The following CNTNAP2 variants were observed in gnomAD, a reference collection of about 807,000 sequenced individuals.
CNTNAP2 encodes the protein contactin-associated protein-like 2.
A neutral mutation model predicts 155.2 loss-of-function variants in CNTNAP2; 98 were observed. That is an observed-to-expected ratio of 0.63 (90% confidence interval 0.54 to 0.75). The LOEUF is 0.75. CNTNAP2 is among the 30% of genes least tolerant of loss of function. The pLI is 0.00. For synonymous variants in CNTNAP2, 651 were observed against 631.2 expected (o/e 1.03, Z -0.47); for missense variants, 1,727 against 1,688.1 (o/e 1.02, Z -0.40).
chr7:148,190,411 G>A (rs1795186597), intron 18 of CNTNAP2: 1 of 152,172 alleles, frequency 6.6e-6, no homozygotes, highest in Non-Finnish European at 1.5e-5. Flanking sequence ...AATCTGTTAG[G>A]TAGCAATAAG....
chr7:148,304,427 T>A (rs956283979), intron 21 of CNTNAP2, among the ~76,000 whole-genome samples: 3 of 152,160 alleles, frequency 2.0e-5, no homozygotes, highest in African/African-American at 7.2e-5. Flanking sequence ...TTTTCAAGAT[T>A]TTTTTTTCCT....
rs572134616 is a variant in CNTNAP2 at position 148,405,988 on chromosome 7, T to C, written c.3716-3403T>C. On this transcript the variant is annotated intron_variant, in intron 22 of 23. Transcript: ENST00000361727. ...TGGCTCACGCCTGTAATCCCAGCAC[T>C]TTAAGAGGCCAAGACCGGCAGATCA... Among the ~76,000 whole-genome samples the C allele has an allele frequency of 1.2e-3, 187 of 152,174 alleles. 1 individual carries two copies. Among genetic ancestry groups the C allele is most frequent in the Non-Finnish European group, 1.7e-3 (113 of 68,008 alleles).
At chr7:147,437,724 G>C (rs1396000516) in intron 10 of CNTNAP2, among the ~76,000 whole-genome samples, 1 of 152,020 alleles carries the variant, frequency 6.6e-6, no homozygotes, top group Non-Finnish European at 1.5e-5. Context: ...TTCTATTTCT[G>C]TAAAGAATGC....
intron 1 of CNTNAP2, among the ~76,000 whole-genome samples, chr7:146,296,964 G>A (rs1418837311): frequency 6.6e-6 from 1 of 151,770 alleles, no homozygotes; most frequent in African/African-American, 2.4e-5. Context: ...TTATCTGTGT[G>A]TGTGTGTGTG....
At chr7:146,363,370 ACT>A (rs1795111938) in intron 1 of CNTNAP2, among the ~76,000 whole-genome samples, 1 of 152,114 alleles carries the variant, frequency 6.6e-6, no homozygotes, top group South Asian at 2.1e-4. Flanking sequence ...CAATAATTTA[ACT>A]GTTAAAGGTT....
intron 15 of CNTNAP2, among the ~76,000 whole-genome samples, chr7:148,006,609 G>A (rs1331183554): frequency 1.4e-5 from 2 of 146,928 alleles, no homozygotes; most frequent in East Asian, 2.0e-4. Context: ...ATAAGCCACC[G>A]TGCCCGGCCA....
Position 148,105,192 on chromosome 7 carries a change from G to A in CNTNAP2, c.2384-12926G>A, listed in dbSNP as rs534737357. ...GGACAGGGAAATAGTACCATGCCCAGTCCGGGGATACGTCAGAAAGACTGT... is the reference window on the plus strand; with the variant it reads ...GGACAGGGAAATAGTACCATGCCCAATCCGGGGATACGTCAGAAAGACTGT... On this transcript the variant is annotated intron_variant, in intron 15 of 23. Transcript: ENST00000361727. 7.2e-5 allele frequency among the ~76,000 whole-genome samples: 11 copies of A among 152,338 alleles called. No individual in the cohort carries two copies. In the South Asian group the frequency reaches 2.3e-3, roughly 32 times the overall value.
chr7:146,826,865 G>GAGAGAGAGAGAGAGAGAGAC (rs1563248337), intron 2 of CNTNAP2, among the ~76,000 whole-genome samples: 1 of 150,812 alleles, frequency 6.6e-6, no homozygotes, highest in African/African-American at 2.4e-5. Context: ...TATAGAGAGA[G>GAGAGAGAGAGAGAGAGAGAC]AGAGAGAGAG....
intron 1 of CNTNAP2, among the ~76,000 whole-genome samples, chr7:146,175,799 G>C (rs1798461993): frequency 6.6e-6 from 1 of 151,874 alleles, no homozygotes; most frequent in South Asian, 2.1e-4. Flanking sequence ...CTATTTCTTT[G>C]TCTGTCTCTC....
At chr7:147,874,416 G>A (rs1323613856) in intron 13 of CNTNAP2, among the ~76,000 whole-genome samples, 1 of 152,234 alleles carries the variant, frequency 6.6e-6, no homozygotes, top group Non-Finnish European at 1.5e-5. Context: ...AAAACCATGT[G>A]GAAGCTGCCA....
At chr7:146,456,224 A>G (rs73462726) in intron 1 of CNTNAP2, among the ~76,000 whole-genome samples, 4,168 of 152,272 alleles carry the variant, frequency 0.027, 140 homozygotes, top group African/African-American at 0.074. Context: ...TCCAAAATCA[A>G]AAGTAAGATA....
At chr7:147,914,399 GC>G (rs1201481279) in intron 14 of CNTNAP2, among the ~76,000 whole-genome samples, 1 of 151,934 alleles carries the variant, frequency 6.6e-6, no homozygotes, top group African/African-American at 2.4e-5. Context: ...AATTAGTCAG[GC>G]ATAGTGGCAC....
At chr7:146,144,044 G>A (rs939753392) in intron 1 of CNTNAP2, among the ~76,000 whole-genome samples, 3 of 152,178 alleles carry the variant, frequency 2.0e-5, no homozygotes, top group Admixed American at 1.3e-4. Flanking sequence ...TTACAGGTGT[G>A]AGCCACCATG....
intron 1 of CNTNAP2, among the ~76,000 whole-genome samples, chr7:146,716,185 C>T (rs559452793): frequency 1.1e-4 from 16 of 140,776 alleles, no homozygotes; most frequent in South Asian, 6.7e-4. Context: ...AATTGTATGG[C>T]GCATTGTTAG....
At chr7:146,708,588 A>ATTTTTTTTTTTTTTTTTT (rs71165029) in intron 1 of CNTNAP2, among the ~76,000 whole-genome samples, 7 of 63,972 alleles carry the variant, frequency 1.1e-4, no homozygotes, top group Non-Finnish European at 1.5e-4. Context: ...AAAAAAAGTG[A>ATTTTTTTTTTTTTTTTTT]TTTTTTTTTT....
At chr7:148,356,406 A>G (rs1223676932) in intron 21 of CNTNAP2, among the ~76,000 whole-genome samples, 1 of 152,234 alleles carries the variant, frequency 6.6e-6, no homozygotes, top group Non-Finnish European at 1.5e-5. Flanking sequence ...TCAGTCCATG[A>G]ACTCACAGAC....
chr7:147,864,718 G>T (rs1486631064), intron 13 of CNTNAP2, among the ~76,000 whole-genome samples: 2 of 152,034 alleles, frequency 1.3e-5, no homozygotes, highest in Non-Finnish European at 2.9e-5. Context: ...CTCATGATTT[G>T]GCTCTCTGTT....
intron 13 of CNTNAP2, among the ~76,000 whole-genome samples, chr7:147,825,378 T>C (rs1176456953): frequency 1.3e-5 from 2 of 152,198 alleles, no homozygotes; most frequent in African/African-American, 4.8e-5. Context: ...TGATGTGTTT[T>C]ATATTACAAT....
intron 1 of CNTNAP2, among the ~76,000 whole-genome samples, chr7:146,757,786 A>G (rs946315525): frequency 6.6e-6 from 1 of 152,226 alleles, no homozygotes; most frequent in East Asian, 1.9e-4. Flanking sequence ...TACATATCTC[A>G]TTTATTTTTC....
Sources: gnomAD v4.1 joint callset for allele counts (sites outside exome capture counted in the v4.1 genomes callset) on GRCh38, gnomAD v4.1.1 for gene constraint, MANE v1.5 for transcripts, NCBI Gene and HGNC (gene_info 2026-07-23, HGNC 2026-07-21) for gene names.